The following FAT1 variants were observed in gnomAD, a reference collection of about 807,000 sequenced individuals.
The protein encoded by FAT1 is FAT atypical cadherin 1, also known as protocadherin Fat 1.
Under a neutral mutation model 329.8 loss-of-function variants are expected in FAT1, and 171 were observed. The observed-to-expected ratio is 0.52, with a 90% CI of 0.46 to 0.59. The LOEUF (loss-of-function observed/expected upper bound fraction) is 0.59. Among genes scored for constraint, FAT1 ranks in the 20% least tolerant of loss-of-function variants. The pLI, the probability that FAT1 is intolerant of heterozygous loss-of-function variation, is 0.00. For missense variants in FAT1, 5,672 were observed against 5,774.4 expected (o/e 0.98, Z 0.57); for synonymous variants, 2,233 against 2,228.6 (o/e 1.00, Z -0.06).
At chr4:186,629,117 G>A (rs913617499) in intron 7 of FAT1, among the ~76,000 whole-genome samples, 5 of 152,024 alleles carry the variant, frequency 3.3e-5, no homozygotes, top group Admixed American at 1.3e-4. Context: ...AATTTACCAG[G>A]ATTTATAGAA....
rs762465657 is a variant in FAT1, at chr4:186,708,766, G to C, written c.1062C>G (p.His354Gln). 6.2e-7 allele frequency: 1 copy of C among 1,613,986 alleles called. No individual in the cohort carries two copies. Among genetic ancestry groups the C allele is most frequent in the Non-Finnish European group, 8.5e-7 (1 of 1,179,884 alleles). Residue 354 changes from histidine (H) to glutamine (Q), a missense_variant, in exon 2 of 27, where the codon CAC (histidine) becomes CAG (glutamine). Transcript: ENST00000441802. ...PPQFSSVKVI[H>Q]VTSPQFKAGP... Reference sequence around the variant, plus strand: ...CGGCTTTGAACTGTGGAGAAGTCACGTGAATGACTTTAACAGAAGAGAACT... The same window carrying C: ...CGGCTTTGAACTGTGGAGAAGTCACCTGAATGACTTTAACAGAAGAGAACT...
At chr4:186,682,384 A>G (rs455935) in intron 2 of FAT1, among the ~76,000 whole-genome samples, 123,604 of 151,908 alleles carry the variant, frequency 0.81, 50,624 homozygotes, top group South Asian at 0.84. Flanking sequence ...AAAATTAGCC[A>G]GGTGTGCTGG....
intron 2 of FAT1, among the ~76,000 whole-genome samples, chr4:186,669,740 G>A (rs968988616): frequency 1.3e-5 from 2 of 152,138 alleles, no homozygotes; most frequent in African/African-American, 4.8e-5. Context: ...TGAAAATAGA[G>A]CTCACAGCAA....
intron 13 of FAT1, among the ~76,000 whole-genome samples, chr4:186,612,003 G>C (rs1453854459): frequency 1.3e-5 from 2 of 151,282 alleles, no homozygotes; most frequent in Non-Finnish European, 2.9e-5. Context: ...TAGAGACGGG[G>C]TTTCTCCATG....
rs928515771 is a variant in FAT1, at chr4:186,707,089, CACA to C, written c.2736_2738del (p.Val913del). 7 of 1,613,880 alleles carry C rather than the reference CACA, an allele frequency of 4.3e-6. No individual in the cohort carries two copies. Among genetic ancestry groups the C allele is most frequent in the African/African-American group, 1.3e-5 (1 of 74,918 alleles). Reference sequence around the variant, plus strand: ...CATTAACATCTTCTAGTGATACTTTCACAACGACAGTGGAGAACAGCTGAGGCT... The same window carrying C: ...CATTAACATCTTCTAGTGATACTTTCACGACAGTGGAGAACAGCTGAGGCT... On this transcript the variant is annotated inframe_deletion, in exon 2 of 27. Coordinates refer to ENST00000441802, the MANE Select transcript of FAT1 (RefSeq NM_005245.4).
intron 1 of FAT1, among the ~76,000 whole-genome samples, chr4:186,720,093 G>GC (rs752481240): frequency 1.5e-4 from 23 of 152,278 alleles, no homozygotes; most frequent in East Asian, 1.4e-3. Context: ...TCCCAGACTT[G>GC]CAACAAGTTC....
In FAT1 at chr4:186,606,181, A is replaced by G. The variant is rs1195104148; in HGVS notation, c.10239T>C (p.Ser3413=). 3.1e-6 allele frequency: 5 copies of G among 1,613,354 alleles called. 1 individual carries two copies. Among genetic ancestry groups the G allele is most frequent in the Non-Finnish European group, 4.2e-6 (5 of 1,179,806 alleles). ...TGACTCTGGGTGGACTGCCATTATCAGAAGCTTGAACCGTGAGCGTGTAAC... is the reference window on the plus strand; with the variant it reads ...TGACTCTGGGTGGACTGCCATTATCGGAAGCTTGAACCGTGAGCGTGTAAC... ...ISGYTLTVQA[S]DNGSPPRVNT... Residue 3413 remains serine, a synonymous_variant, in exon 17 of 27, where the codon TCT becomes TCC. Transcript: ENST00000441802.
chr4:186,653,150 G>C (rs1741747586), intron 3 of FAT1, among the ~76,000 whole-genome samples: 1 of 152,142 alleles, frequency 6.6e-6, no homozygotes, highest in African/African-American at 2.4e-5. Flanking sequence ...AGATGATAAA[G>C]ACCTGCTAAG....
At chr4:186,710,301 T>C (rs1744892129) in intron 1 of FAT1, among the ~76,000 whole-genome samples, 1 of 152,210 alleles carries the variant, frequency 6.6e-6, no homozygotes, top group Non-Finnish European at 1.5e-5. Context: ...ATGCAAAGCT[T>C]CTGACAACTA....
intron 3 of FAT1, among the ~76,000 whole-genome samples, chr4:186,659,246 C>T (rs74585218): frequency 0.041 from 6,182 of 152,264 alleles, 175 homozygotes; most frequent in Middle Eastern, 0.085. Context: ...GTACACTCTA[C>T]GTTGTCCACA....
chr4:186,606,269 A>C, intron 16 of FAT1, 56 bp from the exon 17 acceptor site: 1 of 1,594,760 alleles, frequency 6.3e-7, no homozygotes, highest in Non-Finnish European at 8.6e-7. Flanking sequence ...ACAGAGCTCC[A>C]ATGAGGAGTG....
At chr4:186,632,267 C>T (rs185212230) in intron 7 of FAT1, among the ~76,000 whole-genome samples, 2 of 152,134 alleles carry the variant, frequency 1.3e-5, no homozygotes, top group Non-Finnish European at 1.5e-5. Flanking sequence ...TATTCATAGA[C>T]GTAGGGTCTT....
intron 3 of FAT1, among the ~76,000 whole-genome samples, chr4:186,645,520 G>C (rs1741330443): frequency 6.7e-6 from 1 of 150,302 alleles, no homozygotes; most frequent in Non-Finnish European, 1.5e-5. Context: ...TACAGGCTTA[G>C]AGAGATTAAG....
At chr4:186,592,568 A>G in intron 26 of FAT1, 1 of 398,318 alleles carries the variant, frequency 2.5e-6, no homozygotes, top group Non-Finnish European at 5.0e-6. Context: ...TGCATAAAAT[A>G]AAAGGACTCA....
At chr4:186,688,883 C>T (rs925608705) in intron 2 of FAT1, among the ~76,000 whole-genome samples, 5 of 152,074 alleles carry the variant, frequency 3.3e-5, no homozygotes, top group African/African-American at 7.2e-5. Context: ...CAAAAAGTAC[C>T]GCAATAAATA....
At chr4:186,629,663 C>T (rs115921693) in intron 7 of FAT1, among the ~76,000 whole-genome samples, 16 of 152,332 alleles carry the variant, frequency 1.1e-4, no homozygotes, top group African/African-American at 3.1e-4. Context: ...CCAGGCAGAG[C>T]GGTCAACCAC....
chr4:186,717,603 G>T (rs188007119), intron 1 of FAT1, among the ~76,000 whole-genome samples: 3 of 152,252 alleles, frequency 2.0e-5, no homozygotes, highest in South Asian at 2.1e-4. Flanking sequence ...ATAGATTCCT[G>T]AAGTGTTCCT....
In FAT1 at chr4:186,596,516, G is replaced by T. The variant is rs1171851821; in HGVS notation, c.13000+24C>A. On this transcript the variant is annotated intron_variant, in intron 25 of 26. Coordinates refer to ENST00000441802, the MANE Select transcript of FAT1 (RefSeq NM_005245.4). The surrounding 1 kb of genome is among the most constrained non-coding windows in gnomAD (Gnocchi z 4.7). ...ACTGTTTATCTCAAGTGACACTTTA[G>T]TGAGATGAAAAAGTGGCTCTTACTG... 1.3e-6 allele frequency: 2 copies of T among 1,598,090 alleles called. No homozygotes were observed. Among genetic ancestry groups the T allele is most frequent in the Non-Finnish European group, 1.7e-6 (2 of 1,173,692 alleles).
chr4:186,667,262 G>A (rs1053848538), intron 2 of FAT1, among the ~76,000 whole-genome samples: 6 of 152,122 alleles, frequency 3.9e-5, no homozygotes, highest in African/African-American at 7.2e-5. Flanking sequence ...GGTCCCCACC[G>A]ACCCATCAGC....
Sources: allele counts gnomAD v4.1 joint callset (sites outside exome capture counted in the v4.1 genomes callset), GRCh38; gene constraint gnomAD v4.1.1; non-coding constraint Gnocchi (gnomAD v3.1); transcripts MANE v1.5; gene names NCBI Gene and HGNC (gene_info 2026-07-23, HGNC 2026-07-21).